Variants in MAP2K6 observed in about 807,000 individuals in gnomAD.
The protein encoded by MAP2K6 is dual specificity mitogen-activated protein kinase kinase 6.
Under a neutral mutation model 53.7 loss-of-function variants are expected in MAP2K6, and 16 were observed. That is an observed-to-expected ratio of 0.30 (90% CI 0.20 to 0.45). The LOEUF is 0.45. Among genes scored for constraint, MAP2K6 ranks in the 20% least tolerant of loss-of-function variants. The probability of loss-of-function intolerance (pLI) is 1.00; values close to 1 mark genes in which losing one functional copy is unlikely to be tolerated. For missense variants in MAP2K6, 204 were observed against 411.9 expected (o/e 0.50, Z 4.37); for synonymous variants, 132 against 143.1 (o/e 0.92, Z 0.55).
At chr17:69,535,290 T>C (rs1430775681) in intron 10 of MAP2K6, among the ~76,000 whole-genome samples, 1 of 152,196 alleles carries the variant, frequency 6.6e-6, no homozygotes, top group Non-Finnish European at 1.5e-5. Context: ...CAAGTAGTAT[T>C]ACCTTAGAAA....
At chr17:69,456,509 T>C (rs1907415363) in intron 1 of MAP2K6, among the ~76,000 whole-genome samples, 1 of 152,224 alleles carries the variant, frequency 6.6e-6, no homozygotes, top group South Asian at 2.1e-4. Flanking sequence ...GAGTTTGGTC[T>C]ACTCAGAGCT....
At chr17:69,458,353 G>A (rs765567412) in intron 1 of MAP2K6, among the ~76,000 whole-genome samples, 1 of 152,040 alleles carries the variant, frequency 6.6e-6, no homozygotes, top group Non-Finnish European at 1.5e-5. Flanking sequence ...GCACCCTGCC[G>A]CTCCTTCTTT....
chr17:69,447,671 G>A (rs1907019749), intron 1 of MAP2K6, among the ~76,000 whole-genome samples: 1 of 152,200 alleles, frequency 6.6e-6, no homozygotes, highest in Non-Finnish European at 1.5e-5. Flanking sequence ...ATGATTGCAT[G>A]GAAGGCAGTT....
intron 1 of MAP2K6, chr17:69,477,141 A>G (rs2715815): frequency 0.39 from 58,987 of 152,028 alleles, 11,581 homozygotes; most frequent in South Asian, 0.46. Context: ...AAAGAATTGC[A>G]TGCAAGAGAC....
intron 1 of MAP2K6, among the ~76,000 whole-genome samples, chr17:69,452,261 A>G (rs1907256456): frequency 6.6e-6 from 1 of 151,550 alleles, no homozygotes; most frequent in Non-Finnish European, 1.5e-5. Flanking sequence ...GCCCAGGACC[A>G]TCCCCACAAT....
chr17:69,454,898 A>G lies in MAP2K6; in HGVS notation c.16+39898A>G, dbSNP rs116696563. 2.2e-3 allele frequency among the ~76,000 whole-genome samples: 334 copies of G among 152,326 alleles called. 1 individual carries two copies. Among genetic ancestry groups the G allele is most frequent in the African/African-American group, 7.9e-3 (328 of 41,570 alleles). On this transcript the variant is annotated intron_variant, in intron 1 of 11. Coordinates refer to ENST00000590474, the MANE Select transcript of MAP2K6 (RefSeq NM_002758.4). The stretch of plus-strand genomic sequence containing the variant: ...GGATCTTATGGCATTTTGCTTACAA[A>G]CATCGTTCTTTTCGTTTTACAAATA...
At chr17:69,452,156 T>A (rs1907252084) in intron 1 of MAP2K6, among the ~76,000 whole-genome samples, 1 of 151,434 alleles carries the variant, frequency 6.6e-6, no homozygotes, top group Admixed American at 6.6e-5. Context: ...TTACAACATC[T>A]GGAAGCAGTT....
intron 2 of MAP2K6, among the ~76,000 whole-genome samples, chr17:69,512,328 G>GGTTTTTTTT (rs1909867833): frequency 1.3e-5 from 1 of 75,184 alleles, no homozygotes; most frequent in South Asian, 5.2e-4. Context: ...CTTTCTAAGT[G>GGTTTTTTTT]TTTTTTTTTT....
In MAP2K6 at chr17:69,544,515, G is replaced by A. The variant is rs1435514517; in HGVS notation, c.*2762G>A. 11 of 152,138 alleles carry A rather than the reference G, an allele frequency of 7.2e-5. No individual in the cohort carries two copies. The highest frequency in any genetic ancestry group is 1.6e-4 in the Non-Finnish European group (11 of 68,034). The allele number at this position is 152,138 out of a possible 1,614,324, so 9.4% of individuals were successfully genotyped here. A position where few individuals can be genotyped will look rare whatever the true frequency, so the allele number is the denominator to read the frequency against. On this transcript the variant is annotated 3_prime_UTR_variant, in exon 12 of 12. Coordinates refer to ENST00000590474, the MANE Select transcript of MAP2K6 (RefSeq NM_002758.4). ...GTGTTCACGGATGACCCTCAAAATAGTTAATGCCCCACCAGCATAGACCAT... is the reference window on the plus strand; with the variant it reads ...GTGTTCACGGATGACCCTCAAAATAATTAATGCCCCACCAGCATAGACCAT...
intron 1 of MAP2K6, among the ~76,000 whole-genome samples, chr17:69,499,412 AT>A (rs1305591304): frequency 7.2e-5 from 11 of 152,170 alleles, no homozygotes; most frequent in Non-Finnish European, 1.6e-4. Flanking sequence ...ACCTGCGGAG[AT>A]TGTACATCAT....
chr17:69,523,703 C>G (rs61758056), intron 8 of MAP2K6, 62 bp downstream of exon 8: 2 of 1,591,644 alleles, frequency 1.3e-6, no homozygotes, highest in East Asian at 4.5e-5. Context: ...TGCTGGGAAA[C>G]AAGAAATGGA....
chr17:69,419,782 T>G (rs929590688), intron 1 of MAP2K6, among the ~76,000 whole-genome samples: 3 of 151,964 alleles, frequency 2.0e-5, no homozygotes, highest in African/African-American at 7.3e-5. Context: ...CAAAAATTAG[T>G]CAGGCGTGGT....
intron 1 of MAP2K6, among the ~76,000 whole-genome samples, chr17:69,503,616 T>C (rs1211623424): frequency 2.0e-5 from 3 of 152,188 alleles, no homozygotes; most frequent in Non-Finnish European, 4.4e-5. Flanking sequence ...CTTGGCAGAA[T>C]TGATCTGATT....
At position 69,546,082 on chromosome 17, in the gene MAP2K6, G is replaced by A. The variant is rs994323632; in HGVS notation, c.*4329G>A. 1 of 151,838 alleles carries A rather than the reference G, an allele frequency of 6.6e-6. No homozygotes were observed. The highest frequency in any genetic ancestry group is 1.5e-5 in the Non-Finnish European group (1 of 67,990). 9.4% of individuals were successfully genotyped at this position (151,838 alleles called of 1,614,324 possible). A position where few individuals can be genotyped will look rare whatever the true frequency, so the allele number is the denominator to read the frequency against. On this transcript the variant is annotated 3_prime_UTR_variant, in exon 12 of 12. Transcript: ENST00000590474. Reference sequence around the variant, plus strand: ...GCCTGTGTGTGTTCTGTGGTACCTTGGAATAGCTCAGTACATAATTTGGGG... The same window carrying A: ...GCCTGTGTGTGTTCTGTGGTACCTTAGAATAGCTCAGTACATAATTTGGGG...
rs574219633 is a variant in MAP2K6, at chr17:69,435,864, C to T, written c.16+20864C>T. 3.9e-5 allele frequency among the ~76,000 whole-genome samples: 6 copies of T among 152,026 alleles called. No individual in the cohort carries two copies. In the South Asian group the frequency reaches 8.3e-4, roughly 21 times the overall value. The stretch of plus-strand genomic sequence containing the variant: ...TATATTTTTAGTAGAGATGGGGTTT[C>T]GCCATGTTGGCTAGGCTGGTCTCGA... On this transcript the variant is annotated intron_variant, in intron 1 of 11. Coordinates refer to ENST00000590474, the MANE Select transcript of MAP2K6 (RefSeq NM_002758.4).
In MAP2K6 at chr17:69,536,140, C is replaced by T; in HGVS notation, c.907C>T (p.Pro303Ser). ...QCLKKNSKER[P>S]TYPELMQHPF... ...CTTAAAGAAGAATTCCAAAGAACGG[C>T]CTACATACCCAGAGCTAATGGTGAG... Residue 303 changes from proline to serine, a missense_variant, in exon 11 of 12, where the codon CCT becomes TCT. Pro to Ser is a moderately conservative substitution (Grantham distance 74). Transcript: ENST00000590474. 6.2e-7 allele frequency: 1 copy of T among 1,611,242 alleles called. No individual in the cohort carries two copies. The highest frequency in any genetic ancestry group is 8.5e-7 in the Non-Finnish European group (1 of 1,178,382).
At chr17:69,519,574 T>C (rs1910358932) in intron 5 of MAP2K6, 142 bp downstream of exon 5, 1 of 916,448 alleles carries the variant, frequency 1.1e-6, no homozygotes, top group South Asian at 1.7e-5. Context: ...TGTGCAATGA[T>C]GACATGCCCT....
intron 1 of MAP2K6, among the ~76,000 whole-genome samples, chr17:69,487,163 T>C (rs1252400446): frequency 1.3e-5 from 2 of 152,184 alleles, no homozygotes; most frequent in African/African-American, 4.8e-5. Context: ...AGAATTTATA[T>C]ATAGCCCTGA....
chr17:69,440,204 C>T (rs1315441221), intron 1 of MAP2K6, among the ~76,000 whole-genome samples: 4 of 152,128 alleles, frequency 2.6e-5, no homozygotes, highest in Non-Finnish European at 4.4e-5. Context: ...CCTACCACCA[C>T]ACCTGGCTAA....
Sources: allele counts gnomAD v4.1 joint callset (sites outside exome capture counted in the v4.1 genomes callset), GRCh38; gene constraint gnomAD v4.1.1; transcripts MANE v1.5; gene names NCBI Gene and HGNC (gene_info 2026-07-23, HGNC 2026-07-21).